DNAAF11: variants seen among roughly 807,000 people sequenced by gnomAD.
The protein encoded by DNAAF11 is dynein axonemal assembly factor 11, also known as leucine rich repeat containing 6.
A neutral mutation model predicts 60.8 loss-of-function variants in DNAAF11; 45 were observed. The observed-to-expected ratio is 0.74, with a 90% CI of 0.58 to 0.95. DNAAF11 has a LOEUF of 0.95. Among genes scored for constraint, DNAAF11 ranks in the 40% least tolerant of loss-of-function variants. The pLI is 0.00. For missense variants in DNAAF11, 546 were observed against 546.2 expected (o/e 1.00, Z 0.00); for synonymous variants, 191 against 183.5 (o/e 1.04, Z -0.33).
At chr8:132,626,048 C>CT (rs201197764) in intron 5 of DNAAF11, among the ~76,000 whole-genome samples, 13,211 of 151,314 alleles carry the variant, frequency 0.087, 1,611 homozygotes, top group African/African-American at 0.27. Context: ...ATGGCACCTT[C>CT]TTTTTTTTCT....
intron 11 of DNAAF11, among the ~76,000 whole-genome samples, chr8:132,581,115 T>G (rs1393089281): frequency 6.6e-6 from 1 of 152,088 alleles, no homozygotes; most frequent in East Asian, 1.9e-4. Flanking sequence ...CAAATTAAAT[T>G]GTCATACTTT....
At chr8:132,680,101 CAT>C (rs1482781871), upstream of DNAAF11, among the ~76,000 whole-genome samples, 2 of 152,202 alleles carry the variant, frequency 1.3e-5, no homozygotes, top group African/African-American at 2.4e-5. Context: ...GTATGAAGGA[CAT>C]GTGTACAATG....
At chr8:132,587,119 C>T (rs1415084212) in intron 10 of DNAAF11, among the ~76,000 whole-genome samples, 1 of 152,078 alleles carries the variant, frequency 6.6e-6, no homozygotes, top group African/African-American at 2.4e-5. Flanking sequence ...CCTTAAAACA[C>T]CCCATTTCTA....
rs148731649 is a variant in DNAAF11 at position 132,591,735 on chromosome 8, A to C, written c.1141-7956T>G. On this transcript the variant is annotated intron_variant, in intron 10 of 11. Coordinates refer to ENST00000620350, the MANE Select transcript of DNAAF11 (RefSeq NM_012472.6). Reference sequence around the variant, plus strand: ...GTTGAGCACGTGGTAAGCCCTCAACAATTATTTGTTGAATAAATAAATACA... The same window carrying C: ...GTTGAGCACGTGGTAAGCCCTCAACCATTATTTGTTGAATAAATAAATACA... Among the ~76,000 whole-genome samples, 918 of 152,210 alleles carry C rather than the reference A, an allele frequency of 6.0e-3. 18 individuals carry two copies. The highest frequency in any genetic ancestry group is 0.021 in the African/African-American group (866 of 41,538).
intron 10 of DNAAF11, among the ~76,000 whole-genome samples, chr8:132,590,178 T>C (rs1002705366): frequency 6.6e-6 from 1 of 152,202 alleles, no homozygotes; most frequent in Non-Finnish European, 1.5e-5. Context: ...TTAACTGGCT[T>C]CCACCTGGGC....
intron 4 of DNAAF11, among the ~76,000 whole-genome samples, chr8:132,637,733 G>T (rs564810491): frequency 6.6e-6 from 1 of 152,228 alleles, no homozygotes; most frequent in East Asian, 1.9e-4. Flanking sequence ...AAGGTGAAAA[G>T]TATGCAATTT....
intron 5 of DNAAF11, 94 bp from the exon 6 acceptor site, chr8:132,625,548 G>T: frequency 1.1e-6 from 1 of 927,516 alleles, no homozygotes; most frequent in Non-Finnish European, 1.6e-6. Flanking sequence ...CTTTTCTTAT[G>T]TGATCTTCTT....
chr8:132,641,875 T>C (rs893944434), intron 3 of DNAAF11, among the ~76,000 whole-genome samples: 2 of 152,228 alleles, frequency 1.3e-5, no homozygotes, highest in Non-Finnish European at 2.9e-5. Context: ...TTTAAAATGA[T>C]GGTTATGAAA....
intron 2 of DNAAF11, among the ~76,000 whole-genome samples, chr8:132,659,358 G>GA (rs892794353): frequency 8.1e-4 from 124 of 152,278 alleles, no homozygotes; most frequent in African/African-American, 2.9e-3. Context: ...GAGTAGCACT[G>GA]AAAAATCCCA....
intron 1 of DNAAF11, among the ~76,000 whole-genome samples, chr8:132,674,863 G>C (rs974570365): frequency 1.3e-5 from 2 of 152,228 alleles, no homozygotes; most frequent in Non-Finnish European, 1.5e-5. Context: ...ACTCCAGCCT[G>C]GGCGACAGAG....
intron 7 of DNAAF11, among the ~76,000 whole-genome samples, chr8:132,621,732 A>G (rs1392360652): frequency 6.6e-6 from 1 of 152,180 alleles, no homozygotes; most frequent in Non-Finnish European, 1.5e-5. Flanking sequence ...GGAAGGAATT[A>G]TAAAGTTTAT....
intron 3 of DNAAF11, chr8:132,643,545 C>A (rs761030599): frequency 6.9e-6 from 3 of 434,980 alleles, no homozygotes; most frequent in Middle Eastern, 3.4e-4. Context: ...TAAATGGGTC[C>A]GTATGCCATA....
intron 11 of DNAAF11, among the ~76,000 whole-genome samples, chr8:132,580,737 A>G (rs1815242935): frequency 6.6e-6 from 1 of 152,238 alleles, no homozygotes; most frequent in East Asian, 1.9e-4. Flanking sequence ...TACTAATACT[A>G]TTAAGAACTG....
chr8:132,668,410 G>A (rs1212723218), intron 1 of DNAAF11, among the ~76,000 whole-genome samples: 1 of 152,164 alleles, frequency 6.6e-6, no homozygotes, highest in East Asian at 1.9e-4. Context: ...CTGAGAAAAA[G>A]GAAGTCAGAA....
chr8:132,634,509 T>C (rs1821101764), intron 4 of DNAAF11, among the ~76,000 whole-genome samples: 1 of 152,066 alleles, frequency 6.6e-6, no homozygotes, highest in Non-Finnish European at 1.5e-5. Flanking sequence ...ATAAAACCTA[T>C]TATTTAAGGC....
In DNAAF11 at chr8:132,656,901, A is replaced by G. The variant is rs747385248; in HGVS notation, c.185T>C (p.Val62Ala). The G allele has an allele frequency of 2.3e-6, 3 of 1,298,766 alleles. 1 individual carries two copies. The South Asian group carries it at 3.9e-5, about 17-fold the overall frequency. 80.5% of individuals were successfully genotyped at this position (1,298,766 alleles called of 1,614,324 possible). ...QNNLIGKIEN[V>A]SKLKKLEYLN... is the part of the protein sequence containing the mutation. ...ATATTCAAGTTTCTTGAGTTTGCTAACATTTTCTGAAATACAAGATAATGT... is the reference window on the plus strand; with the variant it reads ...ATATTCAAGTTTCTTGAGTTTGCTAGCATTTTCTGAAATACAAGATAATGT... Residue 62 changes from valine to alanine, a missense_variant, in exon 3 of 12, where the codon GTT becomes GCT. Coordinates refer to ENST00000620350, the MANE Select transcript of DNAAF11 (RefSeq NM_012472.6).
chr8:132,586,637 G>A (rs1031009110), intron 10 of DNAAF11, among the ~76,000 whole-genome samples: 4 of 152,158 alleles, frequency 2.6e-5, no homozygotes, highest in African/African-American at 4.8e-5. Flanking sequence ...TAACTCTCAT[G>A]TAAGTGTGAG....
upstream of DNAAF11, among the ~76,000 whole-genome samples, chr8:132,679,502 C>T (rs961106091): frequency 6.6e-6 from 1 of 152,124 alleles, no homozygotes; most frequent in Non-Finnish European, 1.5e-5. Context: ...TTTCTTGGGA[C>T]CTTTTCACCA....
chr8:132,585,218 T>A (rs1301117768), intron 10 of DNAAF11, among the ~76,000 whole-genome samples: 4 of 152,308 alleles, frequency 2.6e-5, no homozygotes, highest in East Asian at 3.9e-4. Flanking sequence ...CACTCCTAGA[T>A]GGCAGTCCTT....
Sources: gnomAD v4.1 joint callset for allele counts (sites outside exome capture counted in the v4.1 genomes callset) on GRCh38, gnomAD v4.1.1 for gene constraint, MANE v1.5 for transcripts, NCBI Gene and HGNC (gene_info 2026-07-23, HGNC 2026-07-21) for gene names.